MALT1: variants seen among roughly 807,000 people sequenced by gnomAD.
The protein encoded by MALT1 is mucosa-associated lymphoid tissue lymphoma translocation protein 1.
Under a neutral mutation model 85.5 loss-of-function variants are expected in MALT1, and 36 were observed. The observed-to-expected ratio is 0.42, with a 90% CI of 0.32 to 0.56. MALT1 has a LOEUF of 0.56. Among genes scored for constraint, MALT1 ranks in the 20% least tolerant of loss-of-function variants. The pLI is 0.10. For synonymous variants in MALT1, 359 were observed against 361.3 expected, an observed-to-expected ratio of 0.99 and a Z score of 0.07; for missense variants, 716 against 981.6, an observed-to-expected ratio of 0.73 and a Z score of 3.62.
At chr18:58,673,241 AAACT>A (rs751494992) in intron 1 of MALT1, among the ~76,000 whole-genome samples, 84 of 152,364 alleles carry the variant, frequency 5.5e-4, no homozygotes, top group African/African-American at 1.6e-3. Flanking sequence ...AGAAGATAAA[AAACT>A]AACAAATATT....
intron 7 of MALT1, among the ~76,000 whole-genome samples, chr18:58,711,662 A>G (rs1338933922): frequency 6.6e-6 from 1 of 152,212 alleles, no homozygotes; most frequent in Non-Finnish European, 1.5e-5. Flanking sequence ...TTGCAAAATT[A>G]GATTTGTGGA....
intron 1 of MALT1, among the ~76,000 whole-genome samples, chr18:58,679,272 T>C (rs1435595990): frequency 1.3e-5 from 2 of 152,268 alleles, no homozygotes; most frequent in Non-Finnish European, 2.9e-5. Flanking sequence ...TTTAAAAGAA[T>C]AGTTTTAATA....
intron 2 of MALT1, among the ~76,000 whole-genome samples, chr18:58,694,901 G>C (rs776605856): frequency 4.6e-5 from 7 of 152,170 alleles, no homozygotes; most frequent in South Asian, 4.1e-4. Context: ...CGGGAGATCT[G>C]TTTCTTTCTG....
At chr18:58,739,334 G>A (rs2055269297) in intron 13 of MALT1, among the ~76,000 whole-genome samples, 1 of 152,038 alleles carries the variant, frequency 6.6e-6, no homozygotes, top group Non-Finnish European at 1.5e-5. Flanking sequence ...GTATTTAGTG[G>A]TATCAGTGTT....
At chr18:58,735,446 T>A in intron 13 of MALT1, 117 bp downstream of exon 13, 1 of 1,053,966 alleles carries the variant, frequency 9.5e-7, no homozygotes, top group Non-Finnish European at 1.3e-6. Context: ...TTGGAATTAG[T>A]ACCTACTTTA....
intron 2 of MALT1, 98 bp downstream of exon 2, chr18:58,681,434 G>A (rs1457813096): frequency 2.6e-6 from 3 of 1,173,978 alleles, no homozygotes; most frequent in Non-Finnish European, 3.5e-6. Context: ...AAGTATTTTT[G>A]GAAAATGTAA....
chr18:58,673,882 G>C (rs2054202677), intron 1 of MALT1: 1 of 152,040 alleles, frequency 6.6e-6, no homozygotes, highest in Non-Finnish European at 1.5e-5. Context: ...GCAAGGCCTA[G>C]CAGAGAAGTG....
chr18:58,745,502 T>C (rs2055353669), intron 15 of MALT1, among the ~76,000 whole-genome samples, 164 bp from the exon 16 acceptor site: 1 of 152,198 alleles, frequency 6.6e-6, no homozygotes, highest in Non-Finnish European at 1.5e-5. Context: ...AACCATAGAT[T>C]GTTGTTTTCA....
Position 58,748,007 on chromosome 18 carries a change from A to G in MALT1, c.*165A>G, listed in dbSNP as rs1425515098. 3 of 599,194 alleles carry G rather than the reference A, an allele frequency of 5.0e-6. No individual in the cohort carries two copies. The Admixed American group carries it at 9.1e-5, about 18-fold the overall frequency. The allele number at this position is 599,194 out of a possible 1,614,324, so 37.1% of individuals were successfully genotyped here. A position where few individuals can be genotyped will look rare whatever the true frequency, so the allele number is the denominator to read the frequency against. ...GACTTTGAGATGTTGAAATTACATTATTTAATTACAGACTTCCTCTTTCTA... is the reference window on the plus strand; with the variant it reads ...GACTTTGAGATGTTGAAATTACATTGTTTAATTACAGACTTCCTCTTTCTA... On this transcript the variant is annotated 3_prime_UTR_variant, in exon 17 of 17. Coordinates refer to ENST00000649217, the MANE Select transcript of MALT1 (RefSeq NM_006785.4).
At chr18:58,730,885 C>T (rs1376774702) in intron 10 of MALT1, among the ~76,000 whole-genome samples, 1 of 152,186 alleles carries the variant, frequency 6.6e-6, no homozygotes, top group Non-Finnish European at 1.5e-5. Context: ...TTTTCATGTG[C>T]ATATTTGCCA....
chr18:58,726,128 A>G (rs1282262746), intron 10 of MALT1, among the ~76,000 whole-genome samples: 1 of 152,164 alleles, frequency 6.6e-6, no homozygotes, highest in Non-Finnish European at 1.5e-5. Context: ...AAAAATTGTG[A>G]CAAGACTGCA....
chr18:58,694,899 C>G (rs1363245383), intron 2 of MALT1, among the ~76,000 whole-genome samples: 2 of 152,172 alleles, frequency 1.3e-5, no homozygotes, highest in Non-Finnish European at 2.9e-5. Flanking sequence ...GGCGGGAGAT[C>G]TGTTTCTTTC....
Position 58,745,810 on chromosome 18 carries a change from T to C in MALT1, c.2037+19T>C, listed in dbSNP as rs2055358271. 2 of 1,601,968 alleles carry C rather than the reference T, an allele frequency of 1.2e-6. No individual in the cohort carries two copies. Among genetic ancestry groups the C allele is most frequent in the Non-Finnish European group, 1.7e-6 (2 of 1,175,158 alleles). ...ATTAAAGGTTACTACCTTTTCTGTT[T>C]ATAGCTACTAATGGAAAACTTTATG... On this transcript the variant is annotated intron_variant, in intron 16 of 16. Transcript: ENST00000649217.
At chr18:58,728,263 T>C (rs2055092834) in intron 10 of MALT1, among the ~76,000 whole-genome samples, 1 of 152,098 alleles carries the variant, frequency 6.6e-6, no homozygotes. Context: ...AATGGGATGG[T>C]TAACTAAATA....
At chr18:58,744,890 C>G (rs570386008) in intron 15 of MALT1, among the ~76,000 whole-genome samples, 65 of 152,074 alleles carry the variant, frequency 4.3e-4, no homozygotes, top group African/African-American at 1.6e-3. Flanking sequence ...TAGTTCTGCT[C>G]TTTTCAAACA....
chr18:58,708,707 T>C (rs896132468), intron 4 of MALT1, among the ~76,000 whole-genome samples: 30 of 152,208 alleles, frequency 2.0e-4, no homozygotes, highest in Admixed American at 1.8e-3. Flanking sequence ...TAGACTATTT[T>C]TGTGCATGTA....
chr18:58,717,930 A>T (rs1406528023), intron 9 of MALT1, among the ~76,000 whole-genome samples: 2 of 152,312 alleles, frequency 1.3e-5, no homozygotes, highest in East Asian at 1.9e-4. Context: ...AGGAGCATAC[A>T]TATGTCTTAG....
rs2055464502 is a variant in MALT1 at position 58,752,796 on chromosome 18, T to A, written c.*4954T>A. On this transcript the variant is annotated 3_prime_UTR_variant, in exon 17 of 17. Transcript: ENST00000649217. ...GCCTGGACGACAGGGCAAGACGCTG[T>A]CTCAAAAATAAAATATTAGTAAAGA... 6.6e-6 allele frequency: 1 copy of A among 152,148 alleles called. No homozygotes were observed. 9.4% of individuals were successfully genotyped at this position (152,148 alleles called of 1,614,324 possible). A position where few individuals can be genotyped will look rare whatever the true frequency, so the allele number is the denominator to read the frequency against.
intron 10 of MALT1, among the ~76,000 whole-genome samples, chr18:58,723,993 T>C (rs1275988047): frequency 6.6e-6 from 1 of 152,224 alleles, no homozygotes; most frequent in Non-Finnish European, 1.5e-5. Flanking sequence ...TTTGCAGGAT[T>C]GTGCTTCCAT....
Sources: gnomAD v4.1 joint callset for allele counts (sites outside exome capture counted in the v4.1 genomes callset) on GRCh38, gnomAD v4.1.1 for gene constraint, MANE v1.5 for transcripts, NCBI Gene and HGNC (gene_info 2026-07-23, HGNC 2026-07-21) for gene names.